ADGRE3: variants seen among roughly 807,000 people sequenced by gnomAD.
The protein encoded by ADGRE3 is EGF-like module receptor 3.
A neutral mutation model predicts 80.1 loss-of-function variants in ADGRE3; 88 were observed. That is an observed-to-expected ratio of 1.10 (90% CI 0.93 to 1.31). ADGRE3 has a LOEUF of 1.31. ADGRE3 is among the 40% of genes most tolerant of loss of function. The pLI is 0.00. For synonymous variants in ADGRE3, 281 were observed against 294.8 expected, an observed-to-expected ratio of 0.95 and a Z score of 0.48; for missense variants, 715 against 776.5, an observed-to-expected ratio of 0.92 and a Z score of 0.94.
At chr19:14,643,454 A>G (rs1042990276) in intron 9 of ADGRE3, among the ~76,000 whole-genome samples, 2 of 151,728 alleles carry the variant, frequency 1.3e-5, no homozygotes, top group Non-Finnish European at 2.9e-5. Context: ...CAGTAATCAT[A>G]TCTTTGCCCT....
At chr19:14,672,828 T>C (rs1362184120) in intron 1 of ADGRE3, among the ~76,000 whole-genome samples, 1 of 152,090 alleles carries the variant, frequency 6.6e-6, no homozygotes, top group Non-Finnish European at 1.5e-5. Context: ...TTGCTCAGTC[T>C]GGTCTTGAAC....
chr19:14,630,157 C>T lies in ADGRE3; in HGVS notation c.1694G>A (p.Trp565Ter). The change falls in exon 14 of 16, where the codon TGG (tryptophan) becomes TAG (stop). Residue 565 changes from tryptophan (W) to a stop codon, truncating the protein, a stop_gained. Coordinates refer to ENST00000253673, the MANE Select transcript of ADGRE3 (RefSeq NM_032571.5). LOFTEE classifies it high-confidence loss of function. ...TAQLFILGCT[W>*]CLGLLQVGPA... ...ACCCACCTGTAGCAAGCCCAGACACCATGTGCAGCCCAGGATGAAGAGCTG... is the reference window on the plus strand; with the variant it reads ...ACCCACCTGTAGCAAGCCCAGACACTATGTGCAGCCCAGGATGAAGAGCTG... 1 of 1,613,362 alleles carries T rather than the reference C, an allele frequency of 6.2e-7. No individual in the cohort carries two copies. Among genetic ancestry groups the T allele is most frequent in the Non-Finnish European group, 8.5e-7 (1 of 1,179,500 alleles).
chr19:14,647,530 C>A (rs1971448878), intron 7 of ADGRE3, among the ~76,000 whole-genome samples, 165 bp from the exon 8 acceptor site: 1 of 150,896 alleles, frequency 6.6e-6, no homozygotes, highest in Non-Finnish European at 1.5e-5. Context: ...GATTCTCCTG[C>A]CTCAGCCTCC....
chr19:14,665,390 C>T (rs1198995514), intron 2 of ADGRE3, among the ~76,000 whole-genome samples: 1 of 152,000 alleles, frequency 6.6e-6, no homozygotes, highest in Non-Finnish European at 1.5e-5. Flanking sequence ...AAAGGCATTG[C>T]AGTATTCCAT....
chr19:14,644,427 T>G, intron 8 of ADGRE3, 152 bp from the exon 9 acceptor site: 1 of 483,366 alleles, frequency 2.1e-6, no homozygotes, highest in African/African-American at 2.0e-5. Flanking sequence ...TTCAAGCGAT[T>G]CTCCTGCCTC....
chr19:14,651,878 C>G (rs944580071), intron 6 of ADGRE3, among the ~76,000 whole-genome samples: 2 of 151,892 alleles, frequency 1.3e-5, no homozygotes, highest in East Asian at 3.9e-4. Context: ...CCCATCCCTA[C>G]TAAAAATACA....
At chr19:14,647,063 GT>G (rs1971427679) in intron 8 of ADGRE3, 117 bp downstream of exon 8, 1 of 703,164 alleles carries the variant, frequency 1.4e-6, no homozygotes. Flanking sequence ...ATAGCGACAG[GT>G]GCTCCTGACT....
chr19:14,610,686 A>AT, the ADGRE3 span: 1 of 156,426 alleles, frequency 6.4e-6, no homozygotes, highest in Admixed American at 6.3e-5. Flanking sequence ...TGCCTGGCCA[A>AT]TTTTTTGTAG....
At chr19:14,632,119 A>G (rs916733051) in intron 13 of ADGRE3, among the ~76,000 whole-genome samples, 4 of 152,204 alleles carry the variant, frequency 2.6e-5, no homozygotes, top group Non-Finnish European at 1.5e-5. Flanking sequence ...GGAGATAAAC[A>G]TTTAAATTGG....
At position 14,665,936 on chromosome 19, in the gene ADGRE3, GTATATATATATATA is replaced by G. The variant is rs71309616; in HGVS notation, c.77-2410_77-2397del. Reference sequence around the variant, plus strand: ...ATATATTGCATATACACACATATGTGTATATATATATATATATATATATATATATATATATATAT... The same window carrying G: ...ATATATTGCATATACACACATATGTGTATATATATATATATATATATATAT... On this transcript the variant is annotated intron_variant, in intron 2 of 15. Transcript: ENST00000253673. 1.0e-3 allele frequency among the ~76,000 whole-genome samples: 42 copies of G among 42,106 alleles called. 4 individuals carry two copies. Among genetic ancestry groups the G allele is most frequent in the Non-Finnish European group, 8.8e-4 (22 of 25,096 alleles). 27.6% of individuals were successfully genotyped at this position (42,106 alleles called of 152,430 possible).
chr19:14,654,945 A>T, intron 6 of ADGRE3, 37 bp downstream of exon 6: 1 of 1,550,188 alleles, frequency 6.5e-7, no homozygotes, highest in Middle Eastern at 1.7e-4. Context: ...GCTGCTAACC[A>T]GTCCCCAGGG....
chr19:14,623,909 A>T (rs887781012), intron 15 of ADGRE3, among the ~76,000 whole-genome samples: 40 of 152,156 alleles, frequency 2.6e-4, no homozygotes, highest in Admixed American at 1.3e-4. Context: ...AAGAATGAGG[A>T]ACTCAAACCA....
intron 2 of ADGRE3, among the ~76,000 whole-genome samples, chr19:14,663,874 C>T (rs113368059): frequency 0.05 from 7,533 of 152,130 alleles, 211 homozygotes; most frequent in East Asian, 0.1. Context: ...TAGGTATACA[C>T]GTGCCACGTT....
At chr19:14,663,362 C>A (rs1972004598) in intron 3 of ADGRE3, 56 bp downstream of exon 3, 1 of 1,141,570 alleles carries the variant, frequency 8.8e-7, no homozygotes, top group Non-Finnish European at 1.1e-6. Flanking sequence ...AAGACCCTGT[C>A]TCTAATAATA....
At chr19:14,617,396 T>G (rs1401746856), downstream of ADGRE3, among the ~76,000 whole-genome samples, 2 of 144,744 alleles carry the variant, frequency 1.4e-5, no homozygotes, top group Non-Finnish European at 3.0e-5. Flanking sequence ...CTTTCTTTCT[T>G]TCTTTTCTTT....
intron 15 of ADGRE3, among the ~76,000 whole-genome samples, chr19:14,620,451 T>C (rs1381631088): frequency 1.6e-5 from 2 of 128,736 alleles, no homozygotes; most frequent in African/African-American, 6.1e-5. Context: ...TATTCATGTA[T>C]ATATGAATAT....
downstream of ADGRE3, among the ~76,000 whole-genome samples, chr19:14,617,441 A>C (rs2075089123): frequency 1.4e-5 from 2 of 140,748 alleles, no homozygotes; most frequent in Non-Finnish European, 3.1e-5. Flanking sequence ...TCTGTCACCC[A>C]AACTAGAGTG....
At chr19:14,673,276 T>C (rs905927771) in intron 1 of ADGRE3, among the ~76,000 whole-genome samples, 5 of 152,258 alleles carry the variant, frequency 3.3e-5, no homozygotes, top group African/African-American at 1.2e-4. Context: ...CAATTTCTTA[T>C]CTGTAATGTG....
At chr19:14,625,363 A>C (rs1038699696) in intron 15 of ADGRE3, 129 bp downstream of exon 15, 8 of 662,416 alleles carry the variant, frequency 1.2e-5, no homozygotes, top group Non-Finnish European at 2.2e-5. Flanking sequence ...ACAAACCTGC[A>C]CATGTAACCT....
Sources: gnomAD v4.1 joint callset for allele counts (sites outside exome capture counted in the v4.1 genomes callset) on GRCh38, gnomAD v4.1.1 for gene constraint, MANE v1.5 for transcripts, NCBI Gene and HGNC (gene_info 2026-07-23, HGNC 2026-07-21) for gene names.